The following RPL13 variants were observed in gnomAD, a reference collection of about 807,000 sequenced individuals.
RPL13 encodes large ribosomal subunit protein eL13.
RPL13 carries 1 observed loss-of-function variant against 21.4 expected under a neutral mutation model. The observed-to-expected ratio is 0.05, with a 90% CI of 0.02 to 0.22. The LOEUF (loss-of-function observed/expected upper bound fraction) is 0.22, where lower values mean the gene tolerates loss of function less well. Among genes scored for constraint, RPL13 ranks in the 10% least tolerant of loss-of-function variants. RPL13 has a pLI of 1.00. For synonymous variants in RPL13, 143 were observed against 120.5 expected (o/e 1.19, Z -1.23); for missense variants, 289 against 303.0 (o/e 0.95, Z 0.34).
rs1225805018 is a variant in RPL13 at position 89,563,768 on chromosome 16, A to C, written c.*726A>C. On this transcript the variant is annotated 3_prime_UTR_variant, in exon 6 of 6. Coordinates refer to ENST00000311528, the MANE Select transcript of RPL13 (RefSeq NM_000977.4). Reference sequence around the variant, plus strand: ...AAGCAAAGCAGTTTCTAGTTAATGTAGCATCTTGGACTTTGGGGCGTCATT... The same window carrying C: ...AAGCAAAGCAGTTTCTAGTTAATGTCGCATCTTGGACTTTGGGGCGTCATT... 6.6e-6 allele frequency: 1 copy of C among 152,162 alleles called. No individual in the cohort carries two copies. Among genetic ancestry groups the C allele is most frequent in the African/African-American group, 2.4e-5 (1 of 41,440 alleles). 9.4% of individuals were successfully genotyped at this position (152,162 alleles called of 1,614,324 possible).
intron 4 of RPL13, 197 bp downstream of exon 4, chr16:89,561,948 ACT>A (rs1218751385): frequency 3.0e-5 from 20 of 659,842 alleles, no homozygotes; most frequent in Admixed American, 9.3e-5. Context: ...AGGCTGTGTG[ACT>A]TGGAGGCAGC....
rs764035305 is a variant in RPL13 at position 89,562,369 on chromosome 16, G to A, written c.455G>A (p.Gly152Glu). ...EELKLATQLT[G>E]PVMPVRNVYK... The stretch of plus-strand genomic sequence containing the variant: ...CTGAAACTGGCCACCCAGCTGACCG[G>A]ACCGGTCATGCCCGTCCGGAACGTA... The change falls in exon 5 of 6, where the codon GGA (glycine) becomes GAA (glutamate). Residue 152 changes from glycine (G) to glutamate (E), a missense_variant. By Grantham distance (98) the Gly-to-Glu change is moderately conservative. Coordinates refer to ENST00000311528, the MANE Select transcript of RPL13 (RefSeq NM_000977.4). The A allele has an allele frequency of 6.2e-7, 1 of 1,613,088 alleles. No homozygotes were observed. Among genetic ancestry groups the A allele is most frequent in the Non-Finnish European group, 8.5e-7 (1 of 1,179,850 alleles).
chr16:89,565,689 A>G (rs1440874809), downstream of RPL13: 4 of 134,760 alleles, frequency 3.0e-5, no homozygotes, highest in Non-Finnish European at 6.6e-5. Context: ...TTCAGTTGTG[A>G]TGTGTGGGCC....
rs761982775 is a variant in RPL13 at position 89,561,559 on chromosome 16, C to A, written c.247-19C>A. 3 of 1,613,308 alleles carry A rather than the reference C, an allele frequency of 1.9e-6. No individual in the cohort carries two copies. Among genetic ancestry groups the A allele is most frequent in the Admixed American group, 3.3e-5 (2 of 60,008 alleles). Reference sequence around the variant, plus strand: ...AGAAAGCCCGGGCCTGTCTCCATCTCTCTCTGGTTCTGGGGCAGGTGGCCG... The same window carrying A: ...AGAAAGCCCGGGCCTGTCTCCATCTATCTCTGGTTCTGGGGCAGGTGGCCG... On this transcript the variant is annotated intron_variant, in intron 3 of 5. Transcript: ENST00000311528.
chr16:89,561,188 T>C, intron 2 of RPL13, 39 bp from the exon 3 acceptor site: 1 of 1,521,692 alleles, frequency 6.6e-7, no homozygotes, highest in Non-Finnish European at 8.8e-7. Flanking sequence ...CCTGGCGGCC[T>C]TAGGCAAGGG....
chr16:89,564,236 ATGCTGCTACCTC>A lies in RPL13; in HGVS notation c.*1202_*1213del, dbSNP rs2058766418. 6.6e-6 allele frequency: 1 copy of A among 152,216 alleles called. No homozygotes were observed. Among genetic ancestry groups the A allele is most frequent in the Non-Finnish European group, 1.5e-5 (1 of 68,050 alleles). The allele number at this position is 152,216 out of a possible 1,614,324, so 9.4% of individuals were successfully genotyped here. ...GCTGTTACTGGCGTGGAAATAGGTG[ATGCTGCTACCTC>A]TGCTGCTGCACTCACAGCCACACTT... On this transcript the variant is annotated 3_prime_UTR_variant, in exon 6 of 6. Coordinates refer to ENST00000311528, the MANE Select transcript of RPL13 (RefSeq NM_000977.4).
chr16:89,561,467 G>A (rs777910066), intron 3 of RPL13, 99 bp downstream of exon 3: 1 of 1,612,330 alleles, frequency 6.2e-7, no homozygotes, highest in South Asian at 1.1e-5. Context: ...GTACGGCCTT[G>A]ATGAAAGCAC....
At chr16:89,560,908 C>T (rs911586357) in intron 1 of RPL13, 32 bp from the exon 2 acceptor site, 4 of 1,514,612 alleles carry the variant, frequency 2.6e-6, no homozygotes, top group South Asian at 1.2e-5. Flanking sequence ...GCCCGGGGTC[C>T]GGCCTCTCAC....
chr16:89,565,936 C>G (rs145019018), downstream of RPL13: 2 of 152,440 alleles, frequency 1.3e-5, no homozygotes, highest in African/African-American at 2.4e-5. Flanking sequence ...CTGTGTGCCA[C>G]GAGCTTGTGG....
chr16:89,563,733 T>G lies in RPL13; in HGVS notation c.*691T>G, dbSNP rs939823931. 1 of 152,148 alleles carries G rather than the reference T, an allele frequency of 6.6e-6. No individual in the cohort carries two copies. Among genetic ancestry groups the G allele is most frequent in the Non-Finnish European group, 1.5e-5 (1 of 68,034 alleles). The allele number at this position is 152,148 out of a possible 1,614,324, so 9.4% of individuals were successfully genotyped here. A position where few individuals can be genotyped will look rare whatever the true frequency, so the allele number is the denominator to read the frequency against. The stretch of plus-strand genomic sequence containing the variant: ...CGAGACCCTGCACCCAACCTAGAGT[T>G]GCCTTTTTTAAGCAAAGCAGTTTCT... On this transcript the variant is annotated 3_prime_UTR_variant, in exon 6 of 6. Transcript: ENST00000311528.
intron 3 of RPL13, 32 bp downstream of exon 3, chr16:89,561,400 G>A: frequency 1.9e-6 from 3 of 1,611,790 alleles, no homozygotes; most frequent in South Asian, 1.1e-5. Context: ...GTGTCAGGAA[G>A]GCCCCGAAGT....
At chr16:89,561,426 C>T (rs768266156) in intron 3 of RPL13, 58 bp downstream of exon 3, 11 of 1,612,532 alleles carry the variant, frequency 6.8e-6, no homozygotes, top group Non-Finnish European at 9.3e-6. Context: ...CTGTTGGCCT[C>T]AGTCGCGTGA....
At chr16:89,561,141 G>A in intron 2 of RPL13, 78 bp downstream of exon 2, 2 of 1,519,746 alleles carry the variant, frequency 1.3e-6, no homozygotes, top group South Asian at 1.3e-5. Flanking sequence ...CGATGCCAGG[G>A]CGGGGGGCGC....
rs1485802916 is a variant in RPL13, at chr16:89,563,450, G to T, written c.*408G>T. 6.5e-6 allele frequency: 1 copy of T among 152,936 alleles called. No homozygotes were observed. The highest frequency in any genetic ancestry group is 2.0e-4 in the South Asian group (1 of 4,902). 9.5% of individuals were successfully genotyped at this position (152,936 alleles called of 1,614,324 possible). A position where few individuals can be genotyped will look rare whatever the true frequency, so the allele number is the denominator to read the frequency against. On this transcript the variant is annotated 3_prime_UTR_variant, in exon 6 of 6. Coordinates refer to ENST00000311528, the MANE Select transcript of RPL13 (RefSeq NM_000977.4). ...AAAGAAATCAGCCATGCTTGGTGCT[G>T]CACACTTGTAGTTGCAGCTCCTGGG...
In RPL13 at chr16:89,561,256, G is replaced by T. The variant is rs773644615; in HGVS notation, c.134G>T (p.Arg45Leu). ...RRKARQAKAR[R>L]IAPRPASGPI... is the part of the protein sequence containing the mutation. The stretch of plus-strand genomic sequence containing the variant: ...AAGGCCCGGCAAGCCAAGGCGCGCC[G>T]CATCGCCCCGCGCCCCGCGTCGGGT... Residue 45 changes from arginine to leucine, a missense_variant, in exon 3 of 6, where the codon CGC (arginine) becomes CTC (leucine). Transcript: ENST00000311528. 10 of 1,551,480 alleles carry T rather than the reference G, an allele frequency of 6.4e-6. No homozygotes were observed. Among genetic ancestry groups the T allele is most frequent in the South Asian group, 1.2e-5 (1 of 86,228 alleles).
rs191464677 is a variant in RPL13 at position 89,562,576 on chromosome 16, T to C, written c.477+185T>C. On this transcript the variant is annotated intron_variant, in intron 5 of 5. Transcript: ENST00000311528. ...CTTCTTGCAACCATGAAGCCATACA[T>C]TGGGAAGTATTTTTGTTTGTTTTGT... The C allele has an allele frequency of 2.6e-3, 1,552 of 603,592 alleles. 5 individuals are homozygous for C. Among genetic ancestry groups the C allele is most frequent in the Non-Finnish European group, 3.3e-3 (1,159 of 352,400 alleles). 37.4% of individuals were successfully genotyped at this position (603,592 alleles called of 1,614,324 possible). A position where few individuals can be genotyped will look rare whatever the true frequency, so the allele number is the denominator to read the frequency against.
At position 89,561,587 on chromosome 16, in the gene RPL13, A is replaced by G. The variant is rs777308740; in HGVS notation, c.256A>G (p.Ile86Val). The G allele has an allele frequency of 1.9e-6, 3 of 1,613,474 alleles. No homozygotes were observed. Among genetic ancestry groups the G allele is most frequent in the East Asian group, 2.2e-5 (1 of 44,884 alleles). The change falls in exon 4 of 6, where the codon ATT (isoleucine) becomes GTT (valine). Residue 86 changes from isoleucine (I) to valine (V), a missense_variant. By Grantham distance (29) the Ile-to-Val change is conservative (BLOSUM62 3). Coordinates refer to ENST00000311528, the MANE Select transcript of RPL13 (RefSeq NM_000977.4). ...FSLEELRVAG[I>V]HKKVARTIGI... is the part of the protein sequence containing the mutation. Reference sequence around the variant, plus strand: ...TCTGGTTCTGGGGCAGGTGGCCGGCATTCACAAGAAGGTGGCCCGGACCAT... The same window carrying G: ...TCTGGTTCTGGGGCAGGTGGCCGGCGTTCACAAGAAGGTGGCCCGGACCAT...
downstream of RPL13, chr16:89,565,385 G>C (rs1159053941): frequency 6.6e-6 from 1 of 152,356 alleles, no homozygotes; most frequent in African/African-American, 2.4e-5. Context: ...GCTGAGGAAG[G>C]CTTCTGCAGG....
At position 89,561,260 on chromosome 16, in the gene RPL13, C is replaced by G. The variant is rs1250850752; in HGVS notation, c.138C>G (p.Ile46Met). ...RKARQAKARR[I>M]APRPASGPIR... The stretch of plus-strand genomic sequence containing the variant: ...CCCGGCAAGCCAAGGCGCGCCGCAT[C>G]GCCCCGCGCCCCGCGTCGGGTCCCA... Residue 46 changes from isoleucine to methionine, a missense_variant, in exon 3 of 6, where the codon ATC becomes ATG. Coordinates refer to ENST00000311528, the MANE Select transcript of RPL13 (RefSeq NM_000977.4). 2 of 1,552,220 alleles carry G rather than the reference C, an allele frequency of 1.3e-6. No homozygotes were observed. The highest frequency in any genetic ancestry group is 4.8e-5 in the East Asian group (2 of 41,748).
Sources: allele counts gnomAD v4.1 joint callset, GRCh38; gene constraint gnomAD v4.1.1; transcripts MANE v1.5; gene names NCBI Gene and HGNC (gene_info 2026-07-23, HGNC 2026-07-21).